The following NRG3 variants were observed in gnomAD, a reference collection of about 807,000 sequenced individuals.
NRG3 encodes the protein neuregulin 3.
Under a neutral mutation model 66.9 loss-of-function variants are expected in NRG3, and 31 were observed. That is an observed-to-expected ratio of 0.46 (90% CI 0.35 to 0.63). The LOEUF (loss-of-function observed/expected upper bound fraction) is 0.63. NRG3 is among the 20% of genes least tolerant of loss of function. The probability of loss-of-function intolerance (pLI) is 0.00; values close to 1 mark genes in which losing one functional copy is unlikely to be tolerated. For synonymous variants in NRG3, 393 were observed against 359.4 expected (o/e 1.09, Z -1.06); for missense variants, 910 against 878.9 (o/e 1.04, Z -0.45).
At chr10:82,190,250 G>A (rs1202582884) in intron 1 of NRG3, among the ~76,000 whole-genome samples, 1 of 151,768 alleles carries the variant, frequency 6.6e-6, no homozygotes, top group Non-Finnish European at 1.5e-5. Flanking sequence ...TGATATTAAT[G>A]ATTATGTTCA....
chr10:82,883,074 GA>G (rs1353048661), intron 4 of NRG3, among the ~76,000 whole-genome samples: 1 of 152,180 alleles, frequency 6.6e-6, no homozygotes, highest in African/African-American at 2.4e-5. Flanking sequence ...ATAAGTTTAT[GA>G]TGCTCTCAAT....
At chr10:81,878,507 A>T (rs1841887845) in intron 1 of NRG3, among the ~76,000 whole-genome samples, 1 of 152,212 alleles carries the variant, frequency 6.6e-6, no homozygotes, top group South Asian at 2.1e-4. Context: ...TTGCAGGATG[A>T]TTAACAAAAG....
chr10:82,939,983 T>C (rs1251468178), intron 4 of NRG3, among the ~76,000 whole-genome samples: 2 of 151,880 alleles, frequency 1.3e-5, no homozygotes, highest in East Asian at 3.9e-4. Context: ...AGTGAGGCCC[T>C]AGTGCACAGC....
intron 2 of NRG3, among the ~76,000 whole-genome samples, chr10:82,488,992 A>G (rs996906047): frequency 1.3e-5 from 2 of 152,184 alleles, no homozygotes; most frequent in African/African-American, 4.8e-5. Flanking sequence ...CTAATCAATA[A>G]TAAACATGAC....
chr10:82,447,215 C>T (rs1192348885), intron 2 of NRG3, among the ~76,000 whole-genome samples: 1 of 152,148 alleles, frequency 6.6e-6, no homozygotes, highest in African/African-American at 2.4e-5. Flanking sequence ...TGCAGAGTGC[C>T]AAAACGAGCT....
chr10:82,200,800 T>G (rs2074761408), intron 1 of NRG3, among the ~76,000 whole-genome samples: 2 of 151,944 alleles, frequency 1.3e-5, no homozygotes, highest in Admixed American at 1.3e-4. Context: ...AGTTGAGAGT[T>G]TCAGAAAAAG....
rs146793513 is a variant in NRG3 at position 82,520,465 on chromosome 10, G to A, written c.953+161597G>A. Among the ~76,000 whole-genome samples the A allele has an allele frequency of 2.4e-3, 364 of 151,938 alleles. 8 individuals carry two copies. In the East Asian group the frequency reaches 0.043, roughly 18 times the overall value. Reference sequence around the variant, plus strand: ...GTAATCATTTTTACCTGGTATTTTCGTAGGAGGGTAAAAAGATGACATTTT... The same window carrying A: ...GTAATCATTTTTACCTGGTATTTTCATAGGAGGGTAAAAAGATGACATTTT... On this transcript the variant is annotated intron_variant, in intron 2 of 8. Coordinates refer to ENST00000372141, the MANE Select transcript of NRG3 (RefSeq NM_001010848.4).
intron 1 of NRG3, among the ~76,000 whole-genome samples, chr10:82,085,286 T>C (rs1211960610): frequency 1.3e-5 from 2 of 152,146 alleles, no homozygotes; most frequent in African/African-American, 4.8e-5. Context: ...ATACTCTAAA[T>C]CTGGAATATG....
chr10:82,453,674 T>A (rs2136616442), intron 2 of NRG3, among the ~76,000 whole-genome samples: 1 of 151,092 alleles, frequency 6.6e-6, no homozygotes, highest in South Asian at 2.1e-4. Context: ...AAGCCTGATG[T>A]TTTGAGCTAA....
chr10:82,575,608 C>T (rs1186608701), intron 2 of NRG3, among the ~76,000 whole-genome samples: 1 of 151,592 alleles, frequency 6.6e-6, no homozygotes, highest in East Asian at 1.9e-4. Context: ...GACATCGTTC[C>T]TTTGGCACAG....
At chr10:82,496,721 T>A (rs1378605504) in intron 2 of NRG3, among the ~76,000 whole-genome samples, 2 of 152,184 alleles carry the variant, frequency 1.3e-5, no homozygotes, top group African/African-American at 4.8e-5. Context: ...CCTCCCATTG[T>A]TAAATATCTA....
chr10:82,715,969 G>A (rs1446686746), intron 2 of NRG3, among the ~76,000 whole-genome samples: 4 of 152,092 alleles, frequency 2.6e-5, no homozygotes, highest in Non-Finnish European at 5.9e-5. Context: ...ACATTTATGA[G>A]GGCCCTGTCC....
At chr10:82,088,669 T>A (rs2133485359) in intron 1 of NRG3, among the ~76,000 whole-genome samples, 1 of 152,250 alleles carries the variant, frequency 6.6e-6, no homozygotes, top group Non-Finnish European at 1.5e-5. Flanking sequence ...TGTATATGAC[T>A]ATACAAAGTT....
intron 1 of NRG3, among the ~76,000 whole-genome samples, chr10:82,149,945 G>A (rs1032101088): frequency 1.3e-5 from 2 of 152,064 alleles, no homozygotes; most frequent in Non-Finnish European, 2.9e-5. Flanking sequence ...GTCCTTAAAT[G>A]AGGAAATCTC....
At chr10:82,208,945 G>A (rs2133599299) in intron 1 of NRG3, among the ~76,000 whole-genome samples, 1 of 152,144 alleles carries the variant, frequency 6.6e-6, no homozygotes, top group Non-Finnish European at 1.5e-5. Context: ...CTAACCCCAG[G>A]GGACTGCACC....
intron 1 of NRG3, among the ~76,000 whole-genome samples, chr10:82,352,274 G>T (rs542323993): frequency 3.3e-5 from 5 of 152,186 alleles, no homozygotes; most frequent in Admixed American, 6.5e-5. Flanking sequence ...CGGTTTATGG[G>T]ATAAACAAAG....
intron 1 of NRG3, among the ~76,000 whole-genome samples, chr10:82,079,137 CG>C (rs1223722435): frequency 6.6e-6 from 1 of 151,822 alleles, no homozygotes; most frequent in Non-Finnish European, 1.5e-5. Context: ...CTCCGCCTCC[CG>C]GGTTCAAGTG....
At chr10:82,469,159 A>T (rs1564957645) in intron 2 of NRG3, among the ~76,000 whole-genome samples, 1 of 152,136 alleles carries the variant, frequency 6.6e-6, no homozygotes, top group South Asian at 2.1e-4. Flanking sequence ...ATGGTTCTTA[A>T]GTGAAAAGAC....
At chr10:82,411,568 T>C (rs73306163) in intron 2 of NRG3, among the ~76,000 whole-genome samples, 4,204 of 152,222 alleles carry the variant, frequency 0.028, 187 homozygotes, top group African/African-American at 0.095. Flanking sequence ...TTGTTCTTTG[T>C]CTAGAAAACT....
Sources: allele counts gnomAD v4.1 joint callset (sites outside exome capture counted in the v4.1 genomes callset), GRCh38; gene constraint gnomAD v4.1.1; transcripts MANE v1.5; gene names NCBI Gene and HGNC (gene_info 2026-07-23, HGNC 2026-07-21).